Variants in IFT27 observed in about 807,000 individuals in gnomAD.
IFT27 encodes intraflagellar transport protein 27 homolog.
A neutral mutation model predicts 23.9 loss-of-function variants in IFT27; 19 were observed. That is an observed-to-expected ratio of 0.79 (90% CI 0.55 to 1.16). The LOEUF (loss-of-function observed/expected upper bound fraction) is 1.16. Among genes scored for constraint, IFT27 ranks in the 50% most tolerant of loss-of-function variants. The probability of loss-of-function intolerance (pLI) is 0.00; values close to 1 mark genes in which losing one functional copy is unlikely to be tolerated. For synonymous variants in IFT27, 91 were observed against 89.1 expected, an observed-to-expected ratio of 1.02 and a Z score of -0.12; for missense variants, 206 against 228.7, an observed-to-expected ratio of 0.90 and a Z score of 0.64.
chr22:36,775,648 A>G (rs1405952888), intron 1 of IFT27, 26 bp downstream of exon 1: 2 of 1,613,716 alleles, frequency 1.2e-6, no homozygotes, highest in Non-Finnish European at 1.7e-6. Flanking sequence ...AGACCACCGT[A>G]TTCAAGCGCA....
intron 1 of IFT27, chr22:36,768,094 C>T (rs1319820753): frequency 1.5e-6 from 1 of 650,204 alleles, no homozygotes; most frequent in Non-Finnish European, 2.9e-6. Flanking sequence ...CTTTTATCCA[C>T]AGGAACTGAC....
chr22:36,767,449 C>T (rs1333497299), intron 2 of IFT27, 84 bp from the exon 3 acceptor site: 2 of 1,208,300 alleles, frequency 1.7e-6, no homozygotes, highest in Non-Finnish European at 2.4e-6. Context: ...CACCCCGATC[C>T]CAGGAGGGCT....
At chr22:36,763,080 T>A (rs550499370) in intron 5 of IFT27, 67 bp from the exon 6 acceptor site, 21 of 1,180,164 alleles carry the variant, frequency 1.8e-5, no homozygotes, top group Non-Finnish European at 4.9e-6. Context: ...GCGGGCGAGA[T>A]GAGAGCACTA....
At chr22:36,760,316 G>C (rs1938053029) in intron 6 of IFT27, 1 of 152,232 alleles carries the variant, frequency 6.6e-6, no homozygotes, top group Non-Finnish European at 1.5e-5. Flanking sequence ...GCAATCTTGG[G>C]AGATCGCAAC....
At chr22:36,762,708 T>C (rs1215818599) in intron 6 of IFT27, 196 bp downstream of exon 6, 4 of 414,324 alleles carry the variant, frequency 9.7e-6, no homozygotes, top group Admixed American at 4.4e-5. Context: ...GTTGGCTGGC[T>C]GATCTGCTTT....
At chr22:36,768,071 T>A (rs766164764) in intron 1 of IFT27, 1 of 680,824 alleles carries the variant, frequency 1.5e-6, no homozygotes, top group African/African-American at 1.8e-5. Context: ...AGCACACTTC[T>A]GCACGGCTAA....
chr22:36,768,172 A>C (rs1160172863), intron 1 of IFT27: 4 of 498,854 alleles, frequency 8.0e-6, no homozygotes, highest in African/African-American at 5.9e-5. Context: ...CTTCCACTGA[A>C]ACACGCCCTA....
chr22:36,759,579 A>G (rs1461065159), intron 6 of IFT27: 1 of 152,134 alleles, frequency 6.6e-6, no homozygotes, highest in Non-Finnish European at 1.5e-5. Context: ...ACTTTCTCAG[A>G]AAAAAGTTGG....
At chr22:36,766,687 C>T (rs777221113) in intron 3 of IFT27, among the ~76,000 whole-genome samples, 2 of 152,264 alleles carry the variant, frequency 1.3e-5, no homozygotes, top group Admixed American at 6.5e-5. Context: ...GTGAGGCAGA[C>T]AGAGGGTGCG....
At chr22:36,767,704 A>G (rs1276794929) in intron 2 of IFT27, 79 bp downstream of exon 2, 6 of 1,304,786 alleles carry the variant, frequency 4.6e-6, no homozygotes, top group Non-Finnish European at 6.7e-6. Flanking sequence ...GCTTCCCTCA[A>G]GGAACTTCGA....
Position 36,767,357 on chromosome 22 carries a change from TC to T in IFT27, c.122del (p.Gly41GlufsTer6), listed in dbSNP as rs1416272016. The T allele has an allele frequency of 6.2e-7, 1 of 1,612,936 alleles. No individual in the cohort carries two copies. The highest frequency in any genetic ancestry group is 1.7e-5 in the Admixed American group (1 of 59,938). On this transcript the variant is annotated frameshift_variant, in exon 3 of 7. Transcript: ENST00000433985. LOFTEE classifies it high-confidence loss of function. ...GCACTGTCTTCACCACCAAATCCAT[TC>T]CTGTTGTCTGCCGAGGAACACCAAG... is the stretch of plus-strand genomic sequence containing the variant. Reference protein sequence around the residue: ...HFQKSYTLTTGMDLVVKTVPV... With the variant: ...HFQKSYTLTTXMDLVVKTVPV...
At chr22:36,764,253 G>A (rs1157638319) in intron 4 of IFT27, among the ~76,000 whole-genome samples, 4 of 152,270 alleles carry the variant, frequency 2.6e-5, no homozygotes, top group African/African-American at 4.8e-5. Context: ...TGCCGCCAAG[G>A]ACAAGAGCTC....
chr22:36,768,366 A>G, intron 1 of IFT27: 1 of 315,728 alleles, frequency 3.2e-6, no homozygotes, highest in Non-Finnish European at 6.2e-6. Flanking sequence ...TGTGGGAAGC[A>G]AGAAGTCTGA....
chr22:36,763,130 C>T (rs781335609), intron 5 of IFT27, 117 bp from the exon 6 acceptor site: 25 of 630,938 alleles, frequency 4.0e-5, no homozygotes, highest in Middle Eastern at 2.7e-4. Flanking sequence ...AGCTGCCTGA[C>T]TCGAGGTGGT....
At chr22:36,771,767 G>A (rs1261847298) in intron 1 of IFT27, among the ~76,000 whole-genome samples, 4 of 152,114 alleles carry the variant, frequency 2.6e-5, no homozygotes, top group African/African-American at 7.2e-5. Context: ...CTGTCTTCCC[G>A]ACTGTGCCTT....
chr22:36,766,197 C>T lies in IFT27; in HGVS notation c.175G>A (p.Glu59Lys). The change falls in exon 4 of 7, where the codon GAA becomes AAA. Residue 59 changes from glutamate (E) to lysine (K), a missense_variant and splice_region_variant. Coordinates refer to ENST00000433985, the MANE Select transcript of IFT27 (RefSeq NM_001177701.3). Reference protein sequence around the residue: ...VPVPDTGDSVELFIFDSAGKE... With the variant: ...VPVPDTGDSVKLFIFDSAGKE... ...CCAGCAGAGTCAAAAATGAAGAGTTCCTACAATCAGAAAAGCAAGAAAAGT... is the reference window on the plus strand; with the variant it reads ...CCAGCAGAGTCAAAAATGAAGAGTTTCTACAATCAGAAAAGCAAGAAAAGT... 1 of 1,613,990 alleles carries T rather than the reference C, an allele frequency of 6.2e-7. No individual in the cohort carries two copies. The highest frequency in any genetic ancestry group is 1.3e-5 in the African/African-American group (1 of 75,034).
intron 1 of IFT27, chr22:36,768,142 C>T (rs1292496624): frequency 3.5e-6 from 2 of 563,488 alleles, no homozygotes; most frequent in Non-Finnish European, 7.0e-6. Context: ...CTTTGGGGCC[C>T]TGGAAACGGA....
In IFT27 at chr22:36,775,831, A is replaced by C; in HGVS notation, c.-124T>G. 6.6e-4 allele frequency: 469 copies of C among 711,320 alleles called. No individual in the cohort carries two copies. The highest frequency in any genetic ancestry group is 1.3e-3 in the Middle Eastern group (3 of 2,248). The allele number at this position is 711,320 out of a possible 1,614,324, so 44.1% of individuals were successfully genotyped here. A position where few individuals can be genotyped will look rare whatever the true frequency, so the allele number is the denominator to read the frequency against. On this transcript the variant is annotated 5_prime_UTR_variant, in exon 1 of 7. Transcript: ENST00000433985. The stretch of plus-strand genomic sequence containing the variant: ...AGGTGGGGAGGGGAGGGCTGATCTC[A>C]AGGGTCAGTGGCCGCGACGGGACTG...
intron 5 of IFT27, chr22:36,763,622 T>C: frequency 2.0e-6 from 1 of 490,118 alleles, no homozygotes; most frequent in South Asian, 2.0e-5. Flanking sequence ...AACTCTTCCC[T>C]GGGGTTAGCT....
Sources: gnomAD v4.1 joint callset for allele counts (sites outside exome capture counted in the v4.1 genomes callset) on GRCh38, gnomAD v4.1.1 for gene constraint, MANE v1.5 for transcripts, NCBI Gene and HGNC (gene_info 2026-07-23, HGNC 2026-07-21) for gene names.